The following KIAA1217 variants were observed in gnomAD, a reference collection of about 807,000 sequenced individuals.
KIAA1217 encodes KIAA1217.
Under a neutral mutation model 163.9 loss-of-function variants are expected in KIAA1217, and 88 were observed. That is an observed-to-expected ratio of 0.54 (90% CI 0.45 to 0.64). The LOEUF (loss-of-function observed/expected upper bound fraction) is 0.64. KIAA1217 is among the 30% of genes least tolerant of loss of function. KIAA1217 has a pLI of 0.00. For missense variants in KIAA1217, 2,372 were observed against 2,475.0 expected (o/e 0.96, Z 0.88); for synonymous variants, 903 against 923.1 (o/e 0.98, Z 0.39).
intron 6 of KIAA1217, among the ~76,000 whole-genome samples, chr10:24,493,703 T>C (rs2066426319): frequency 6.6e-6 from 1 of 152,200 alleles, no homozygotes; most frequent in Non-Finnish European, 1.5e-5. Flanking sequence ...CGTGATTCTA[T>C]AAAAACCTCC....
chr10:24,034,754 A>G (rs1848323798), intron 2 of KIAA1217, among the ~76,000 whole-genome samples: 1 of 152,048 alleles, frequency 6.6e-6, no homozygotes, highest in Non-Finnish European at 1.5e-5. Context: ...GTGTTTCCCC[A>G]CTGACCTTTG....
chr10:23,784,190 C>T lies in KIAA1217; in HGVS notation c.-321+88956C>T, dbSNP rs927689241. ...GACCCCTTTATCATTTAATAGTGAA[C>T]TTCTTTGTTTCTTGTGACAATTTTT... is the stretch of plus-strand genomic sequence containing the variant. On this transcript the variant is annotated intron_variant, in intron 1 of 18. Coordinates refer to the KIAA1217 transcript ENST00000376462. Among the ~76,000 whole-genome samples, 4 of 152,078 alleles carry T rather than the reference C, an allele frequency of 2.6e-5. No individual in the cohort carries two copies. In the East Asian group the frequency reaches 7.7e-4, roughly 29 times the overall value.
At chr10:24,176,963 C>T (rs990640647) in intron 2 of KIAA1217, among the ~76,000 whole-genome samples, 6 of 152,082 alleles carry the variant, frequency 3.9e-5, no homozygotes, top group African/African-American at 1.2e-4. Context: ...CAGTTGCTGG[C>T]CCGGGTGCTA....
At chr10:24,088,630 A>AT (rs1168345291) in intron 2 of KIAA1217, among the ~76,000 whole-genome samples, 2 of 122,764 alleles carry the variant, frequency 1.6e-5, no homozygotes, top group Non-Finnish European at 4.0e-5. Context: ...TGAACTTATC[A>AT]TTTTTTATGG....
chr10:24,452,449 G>A (rs189532887), intron 5 of KIAA1217, among the ~76,000 whole-genome samples: 10 of 151,730 alleles, frequency 6.6e-5, no homozygotes, highest in East Asian at 5.8e-4. Context: ...CGAGGCGGGC[G>A]GATCATGAGG....
At chr10:24,309,145 G>T (rs1460627593) in intron 2 of KIAA1217, among the ~76,000 whole-genome samples, 1 of 127,940 alleles carries the variant, frequency 7.8e-6, no homozygotes, top group Non-Finnish European at 1.7e-5. Context: ...AAAAAGGAAG[G>T]AAGGAAGGGA....
intron 1 of KIAA1217, among the ~76,000 whole-genome samples, chr10:23,746,659 G>T (rs892017834): frequency 1.3e-5 from 2 of 152,060 alleles, no homozygotes; most frequent in African/African-American, 4.8e-5. Flanking sequence ...TCCTGACCTT[G>T]TGATCCGCCC....
chr10:24,071,502 AAAAG>A (rs779814031), intron 2 of KIAA1217, among the ~76,000 whole-genome samples: 1 of 152,236 alleles, frequency 6.6e-6, no homozygotes, highest in Non-Finnish European at 1.5e-5. Context: ...ATTTAAAAAA[AAAAG>A]AACTCTTTCT....
At chr10:24,233,767 C>T (rs186163219) in intron 2 of KIAA1217, among the ~76,000 whole-genome samples, 39 of 152,290 alleles carry the variant, frequency 2.6e-4, no homozygotes, top group Middle Eastern at 3.4e-3. Context: ...CACATACATA[C>T]GCACACATAT....
chr10:23,994,066 A>G (rs1846351906), intron 1 of KIAA1217, among the ~76,000 whole-genome samples: 4 of 152,162 alleles, frequency 2.6e-5, no homozygotes. Context: ...CTAGCTTGTG[A>G]GCAGATCTGG....
chr10:24,078,982 G>T (rs1200058086), intron 2 of KIAA1217, among the ~76,000 whole-genome samples: 1 of 152,132 alleles, frequency 6.6e-6, no homozygotes, highest in Non-Finnish European at 1.5e-5. Flanking sequence ...TCCGTTTAAG[G>T]TTTCTCATGG....
chr10:23,739,598 C>A (rs1838996626), intron 1 of KIAA1217, among the ~76,000 whole-genome samples: 1 of 152,100 alleles, frequency 6.6e-6, no homozygotes, highest in South Asian at 2.1e-4. Context: ...TCCGGCAGGG[C>A]TTTCTGGCTT....
intron 1 of KIAA1217, among the ~76,000 whole-genome samples, chr10:23,711,570 G>T (rs572567776): frequency 6.6e-6 from 1 of 152,296 alleles, no homozygotes; most frequent in East Asian, 1.9e-4. Context: ...GCTAGTAAGT[G>T]TGTGATTTCT....
chr10:23,905,348 G>A (rs1346799888), intron 1 of KIAA1217, among the ~76,000 whole-genome samples: 2 of 151,912 alleles, frequency 1.3e-5, no homozygotes, highest in Non-Finnish European at 1.5e-5. Flanking sequence ...TTGTGTACCC[G>A]GTGGCATGTC....
intron 2 of KIAA1217, among the ~76,000 whole-genome samples, chr10:24,156,842 T>G (rs2131874279): frequency 6.6e-6 from 1 of 152,338 alleles, no homozygotes; most frequent in South Asian, 2.1e-4. Flanking sequence ...CTGGCTCTTC[T>G]TACTCAGGAC....
chr10:24,000,726 A>G (rs538307553), intron 1 of KIAA1217, among the ~76,000 whole-genome samples: 12 of 152,374 alleles, frequency 7.9e-5, no homozygotes, highest in Non-Finnish European at 1.0e-4. Flanking sequence ...ATTGATGAGC[A>G]TGAGAAAACA....
intron 2 of KIAA1217, among the ~76,000 whole-genome samples, chr10:24,081,365 C>T (rs889647987): frequency 5.9e-5 from 9 of 152,236 alleles, no homozygotes; most frequent in Non-Finnish European, 1.5e-5. Flanking sequence ...GCTACCAAGG[C>T]AGAGTTTCTG....
chr10:24,385,817 A>G (rs1486572607), intron 3 of KIAA1217, among the ~76,000 whole-genome samples: 1 of 152,230 alleles, frequency 6.6e-6, no homozygotes, highest in Non-Finnish European at 1.5e-5. Flanking sequence ...GCCTTCCAAT[A>G]GAATTTGGTT....
intron 2 of KIAA1217, among the ~76,000 whole-genome samples, chr10:24,343,966 C>T (rs981958586): frequency 3.3e-5 from 5 of 152,258 alleles, no homozygotes; most frequent in East Asian, 1.9e-4. Context: ...TCCAATTCTA[C>T]GATGTTTGAG....
Sources: allele counts gnomAD v4.1 joint callset (sites outside exome capture counted in the v4.1 genomes callset), GRCh38; gene constraint gnomAD v4.1.1; transcripts MANE v1.5; gene names NCBI Gene and HGNC (gene_info 2026-07-23, HGNC 2026-07-21).